LRMDA: variants seen among roughly 807,000 people sequenced by gnomAD.
The protein encoded by LRMDA is leucine-rich melanocyte differentiation-associated protein.
A neutral mutation model predicts 29.8 loss-of-function variants in LRMDA; 18 were observed. The observed-to-expected ratio is 0.60, with a 90% CI of 0.42 to 0.90. The LOEUF (loss-of-function observed/expected upper bound fraction) is 0.90. Among genes scored for constraint, LRMDA ranks in the 40% least tolerant of loss-of-function variants. The pLI is 0.00. For missense variants in LRMDA, 273 were observed against 273.9 expected (o/e 1.00, Z 0.02); for synonymous variants, 125 against 109.4 (o/e 1.14, Z -0.89).
chr10:75,622,668 A>G (rs1388786621), intron 2 of LRMDA, among the ~76,000 whole-genome samples: 2 of 152,222 alleles, frequency 1.3e-5, no homozygotes, highest in Admixed American at 1.3e-4. Context: ...CCAAAGGAAC[A>G]TGATTCCAAA....
intron 5 of LRMDA, among the ~76,000 whole-genome samples, chr10:76,149,766 A>C (rs1850402822): frequency 6.6e-6 from 1 of 152,124 alleles, no homozygotes; most frequent in African/African-American, 2.4e-5. Context: ...GGTCTGTTGG[A>C]GTCTTCCATT....
chr10:75,962,727 A>G (rs1028894329), intron 2 of LRMDA, among the ~76,000 whole-genome samples: 1 of 152,224 alleles, frequency 6.6e-6, no homozygotes, highest in South Asian at 2.1e-4. Flanking sequence ...TCAGTGTGCA[A>G]CCTGTACCTC....
At chr10:75,661,341 G>A (rs1841750317) in intron 2 of LRMDA, among the ~76,000 whole-genome samples, 2 of 152,200 alleles carry the variant, frequency 1.3e-5, no homozygotes, top group African/African-American at 2.4e-5. Context: ...GCCGTGAGTG[G>A]GAGTTTGTAC....
At chr10:76,411,317 G>T (rs1253100256) in intron 6 of LRMDA, among the ~76,000 whole-genome samples, 1 of 152,124 alleles carries the variant, frequency 6.6e-6, no homozygotes, top group Non-Finnish European at 1.5e-5. Context: ...ACGTGGTTCA[G>T]ACCAGATTTC....
At chr10:76,084,831 ACTCAAGGTCACATTG>A (rs1849108418) in intron 5 of LRMDA, among the ~76,000 whole-genome samples, 1 of 152,254 alleles carries the variant, frequency 6.6e-6, no homozygotes, top group Non-Finnish European at 1.5e-5. Flanking sequence ...GAAGTGGCTT[ACTCAAGGTCACATTG>A]CTCATTAATA....
chr10:76,505,276 A>G (rs963154061), intron 6 of LRMDA, among the ~76,000 whole-genome samples: 3 of 151,750 alleles, frequency 2.0e-5, no homozygotes, highest in Non-Finnish European at 2.9e-5. Context: ...TCTGGTAACT[A>G]TGTTCCTTGG....
At position 75,432,656 on chromosome 10, in the gene LRMDA, C is replaced by G. The variant is rs562336786; in HGVS notation, c.30+902C>G. ...TTTTGAAGCTCTCCTCTTGGATTGC[C>G]TAAGGCAGGTAGTGTCAGGCACAAT... On this transcript the variant is annotated intron_variant, in intron 1 of 6. Coordinates refer to ENST00000611255, the MANE Select transcript of LRMDA (RefSeq NM_001305581.2). Among the ~76,000 whole-genome samples the G allele has an allele frequency of 2.0e-5, 3 of 152,340 alleles. No individual in the cohort carries two copies. In the South Asian group the frequency reaches 6.2e-4, roughly 32 times the overall value.
intron 2 of LRMDA, among the ~76,000 whole-genome samples, chr10:75,513,270 T>C (rs1845248246): frequency 6.6e-6 from 1 of 152,218 alleles, no homozygotes; most frequent in Non-Finnish European, 1.5e-5. Flanking sequence ...GCATGCTTGC[T>C]GTCTCTGTCT....
At chr10:75,720,511 A>G (rs142285579) in intron 2 of LRMDA, among the ~76,000 whole-genome samples, 4 of 152,252 alleles carry the variant, frequency 2.6e-5, no homozygotes, top group Admixed American at 2.6e-4. Flanking sequence ...CCATTCTGTG[A>G]GTGGAAATGC....
At chr10:75,578,233 A>AAAAAAAG (rs1840535551) in intron 2 of LRMDA, among the ~76,000 whole-genome samples, 2 of 147,060 alleles carry the variant, frequency 1.4e-5, no homozygotes, top group Non-Finnish European at 3.0e-5. Flanking sequence ...AAAAAAAAAA[A>AAAAAAAG]AAAAAAGCAG....
chr10:76,313,606 T>C (rs926640891), intron 5 of LRMDA, among the ~76,000 whole-genome samples: 6 of 152,206 alleles, frequency 3.9e-5, no homozygotes, highest in Non-Finnish European at 7.3e-5. Context: ...TGAAACATAC[T>C]TTAGAAGCTA....
intron 2 of LRMDA, among the ~76,000 whole-genome samples, chr10:75,569,378 G>A (rs181510317): frequency 1.4e-4 from 22 of 152,226 alleles, no homozygotes; most frequent in African/African-American, 5.3e-4. Context: ...ATATCTTACT[G>A]TTCAGTCCTT....
In LRMDA at chr10:76,043,275, T is replaced by C. The variant is rs542465791; in HGVS notation, c.259-3889T>C. 2.0e-5 allele frequency among the ~76,000 whole-genome samples: 3 copies of C among 152,314 alleles called. No homozygotes were observed. In the East Asian group the frequency reaches 5.8e-4, roughly 29 times the overall value. Reference sequence around the variant, plus strand: ...CAGTTTTATGTTGGTCCCTGCATATTTGTGTTAATATGGTGGATAGTAAGA... The same window carrying C: ...CAGTTTTATGTTGGTCCCTGCATATCTGTGTTAATATGGTGGATAGTAAGA... On this transcript the variant is annotated intron_variant, in intron 3 of 6. Coordinates refer to ENST00000611255, the MANE Select transcript of LRMDA (RefSeq NM_001305581.2).
In LRMDA at chr10:76,143,686, G is replaced by C. The variant is rs1345659520; in HGVS notation, c.516+84903G>C. Reference sequence around the variant, plus strand: ...TAGTTTGTTTTGCTGTGCAGAAGCTGTTGAGTTTAATTAGATCCCATTTGT... The same window carrying C: ...TAGTTTGTTTTGCTGTGCAGAAGCTCTTGAGTTTAATTAGATCCCATTTGT... On this transcript the variant is annotated intron_variant, in intron 5 of 6. Transcript: ENST00000611255. 1.6e-4 allele frequency among the ~76,000 whole-genome samples: 25 copies of C among 152,122 alleles called. 1 individual carries two copies. Among genetic ancestry groups the C allele is most frequent in the Non-Finnish European group, 3.1e-4 (21 of 68,018 alleles).
intron 5 of LRMDA, among the ~76,000 whole-genome samples, chr10:76,201,178 C>T (rs1034589258): frequency 1.3e-5 from 2 of 150,020 alleles, no homozygotes; most frequent in Non-Finnish European, 3.0e-5. Context: ...CTCCCCGTAA[C>T]CTCTACCTCC....
At position 75,431,659 on chromosome 10, in the gene LRMDA, G is replaced by C. The variant is rs1844195782; in HGVS notation, c.-66G>C. 2 of 1,229,494 alleles carry C rather than the reference G, an allele frequency of 1.6e-6. No individual in the cohort carries two copies. Among genetic ancestry groups the C allele is most frequent in the Non-Finnish European group, 2.0e-6 (2 of 988,432 alleles). The allele number at this position is 1,229,494 out of a possible 1,614,324, so 76.2% of individuals were successfully genotyped here. On this transcript the variant is annotated 5_prime_UTR_variant, in exon 1 of 7. Transcript: ENST00000611255. ...TGTGCGCCCGCCGCGCTCCCCTGCC[G>C]CGCTCCCCGCTGCTGCCGCCGCGCC...
chr10:76,062,698 T>TGTG (rs1564642890), intron 5 of LRMDA, among the ~76,000 whole-genome samples: 35 of 101,912 alleles, frequency 3.4e-4, no homozygotes, highest in South Asian at 2.0e-3. Flanking sequence ...GTGTGTGTGT[T>TGTG]ATTAGTTGAT....
intron 6 of LRMDA, among the ~76,000 whole-genome samples, chr10:76,405,781 A>G (rs903957817): frequency 1.3e-5 from 2 of 152,156 alleles, no homozygotes; most frequent in African/African-American, 4.8e-5. Context: ...ACATTAAAGA[A>G]TAATTTATTC....
intron 2 of LRMDA, among the ~76,000 whole-genome samples, chr10:75,724,996 G>A (rs1421804541): frequency 6.6e-6 from 1 of 152,208 alleles, no homozygotes; most frequent in East Asian, 1.9e-4. Context: ...CTGTGCTGTG[G>A]AAATTTAGGG....
Sources: allele counts gnomAD v4.1 joint callset (sites outside exome capture counted in the v4.1 genomes callset), GRCh38; gene constraint gnomAD v4.1.1; transcripts MANE v1.5; gene names NCBI Gene and HGNC (gene_info 2026-07-23, HGNC 2026-07-21).